The following EML5 variants were observed in gnomAD, a reference collection of about 807,000 sequenced individuals.
EML5 encodes EMAP like 5.
A neutral mutation model predicts 250.0 loss-of-function variants in EML5; 120 were observed. That is an observed-to-expected ratio of 0.48 (90% CI 0.41 to 0.56). The LOEUF is 0.56. EML5 is among the 20% of genes least tolerant of loss of function. EML5 has a pLI of 0.00. For missense variants in EML5, 2,006 were observed against 2,437.6 expected (o/e 0.82, Z 3.73); for synonymous variants, 771 against 806.5 (o/e 0.96, Z 0.75).
chr14:88,660,104 C>T (rs1457960328), intron 25 of EML5, among the ~76,000 whole-genome samples: 1 of 151,400 alleles, frequency 6.6e-6, no homozygotes, highest in African/African-American at 2.4e-5. Flanking sequence ...CTGGAGACCC[C>T]ATCTCTACAA....
chr14:88,714,444 T>C (rs1009956992), intron 9 of EML5, among the ~76,000 whole-genome samples: 1 of 152,166 alleles, frequency 6.6e-6, no homozygotes, highest in Non-Finnish European at 1.5e-5. Context: ...TTATACAGGA[T>C]GAATAAATTC....
At chr14:88,791,831 G>C (rs1038002260) in intron 1 of EML5, among the ~76,000 whole-genome samples, 1 of 152,128 alleles carries the variant, frequency 6.6e-6, no homozygotes, top group South Asian at 2.1e-4. Context: ...CAGGAGGTGA[G>C]AGCCCTTCAG....
At position 88,615,772 on chromosome 14, in the gene EML5, G is replaced by C. The variant is rs201466730; in HGVS notation, c.*46C>G. 7,348 of 1,591,132 alleles carry C rather than the reference G, an allele frequency of 4.6e-3. 27 individuals carry two copies. Among genetic ancestry groups the C allele is most frequent in the Non-Finnish European group, 5.8e-3 (6,735 of 1,167,550 alleles). ...GGTTGGGTTTTGGTTTTTCTTCTCT[G>C]TAATTCTGGTCTCAAAGTTAATTTC... is the stretch of plus-strand genomic sequence containing the variant. On this transcript the variant is annotated 3_prime_UTR_variant, in exon 44 of 44. Transcript: ENST00000554922.
At chr14:88,768,421 T>C (rs1223229041) in intron 1 of EML5, among the ~76,000 whole-genome samples, 2 of 151,954 alleles carry the variant, frequency 1.3e-5, no homozygotes. Flanking sequence ...GATTGTCTTT[T>C]TTTTTTTGAG....
chr14:88,642,830 T>TGCTA, intron 31 of EML5, 63 bp downstream of exon 31: 2 of 1,486,346 alleles, frequency 1.3e-6, no homozygotes, highest in South Asian at 2.6e-5. Flanking sequence ...GATTTTAAGC[T>TGCTA]GCTAGATCAA....
At chr14:88,661,591 A>G in intron 25 of EML5, 63 bp downstream of exon 25, 1 of 1,427,108 alleles carries the variant, frequency 7.0e-7, no homozygotes, top group Non-Finnish European at 9.5e-7. Flanking sequence ...GTGCTATGAC[A>G]GGACATTACC....
intron 27 of EML5, among the ~76,000 whole-genome samples, chr14:88,651,179 AGGCAAAGAGTAGAGCTT>A (rs2091609676): frequency 1.7e-5 from 2 of 118,764 alleles, no homozygotes; most frequent in Non-Finnish European, 3.3e-5. Flanking sequence ...TTTTTTTTTA[AGGCAAAGAGTAGAGCTT>A]GGACTCTGCC....
At chr14:88,721,526 C>A (rs1189041604) in intron 8 of EML5, among the ~76,000 whole-genome samples, 1 of 152,150 alleles carries the variant, frequency 6.6e-6, no homozygotes, top group Admixed American at 6.5e-5. Flanking sequence ...AAAGGATCTC[C>A]TATTCAATAA....
At chr14:88,787,532 T>G (rs911788709) in intron 1 of EML5, among the ~76,000 whole-genome samples, 2 of 152,250 alleles carry the variant, frequency 1.3e-5, no homozygotes, top group Non-Finnish European at 2.9e-5. Flanking sequence ...TCTAATAATC[T>G]GGCTTCTCCC....
At chr14:88,727,234 A>T (rs1240855801) in intron 7 of EML5, among the ~76,000 whole-genome samples, 2 of 152,268 alleles carry the variant, frequency 1.3e-5, no homozygotes, top group East Asian at 3.9e-4. Flanking sequence ...TGCACTGGTG[A>T]TAAATAATAA....
At chr14:88,707,056 C>T (rs992733199) in intron 10 of EML5, among the ~76,000 whole-genome samples, 5 of 152,030 alleles carry the variant, frequency 3.3e-5, no homozygotes, top group Non-Finnish European at 7.4e-5. Context: ...TCTAATGCCT[C>T]CTCATGATTA....
At chr14:88,627,244 A>G (rs1468774256) in intron 34 of EML5, 198 bp from the exon 35 acceptor site, 1 of 592,850 alleles carries the variant, frequency 1.7e-6, no homozygotes, top group Non-Finnish European at 3.0e-6. Flanking sequence ...CGCTCCATTA[A>G]CTTTTCTTTA....
At chr14:88,675,582 C>T (rs967985574) in intron 21 of EML5, among the ~76,000 whole-genome samples, 5 of 152,174 alleles carry the variant, frequency 3.3e-5, no homozygotes, top group African/African-American at 9.7e-5. Context: ...GAGGGGCTGC[C>T]GTGAAGACTT....
intron 7 of EML5, among the ~76,000 whole-genome samples, chr14:88,730,243 T>C (rs780129412): frequency 2.0e-5 from 3 of 152,176 alleles, no homozygotes; most frequent in Non-Finnish European, 4.4e-5. Flanking sequence ...AAATATACAT[T>C]ACCAGACTAA....
rs147097718 is a variant in EML5 at position 88,693,229 on chromosome 14, G to C, written c.2539+1078C>G. ...TTCTTTTGCAAGTATGAATACTACT[G>C]TATTAGTCTGTTCTCACACTGTTCA... is the stretch of plus-strand genomic sequence containing the variant. On this transcript the variant is annotated intron_variant, in intron 17 of 43. Coordinates refer to ENST00000554922, the MANE Select transcript of EML5 (RefSeq NM_183387.3). Among the ~76,000 whole-genome samples the C allele has an allele frequency of 6.6e-5, 10 of 152,204 alleles. No individual in the cohort carries two copies. The East Asian group carries it at 1.9e-3, about 29-fold the overall frequency.
At chr14:88,647,687 C>CAAAAAAAAAAAAAAAAAAAAAA (rs34191990) in intron 28 of EML5, among the ~76,000 whole-genome samples, 2 of 48,754 alleles carry the variant, frequency 4.1e-5, no homozygotes, top group African/African-American at 1.5e-4. Flanking sequence ...GAGACCGTCT[C>CAAAAAAAAAAAAAAAAAAAAAA]AAAAAAAAAA....
chr14:88,756,157 G>T (rs1214560531), intron 1 of EML5, among the ~76,000 whole-genome samples: 3 of 152,108 alleles, frequency 2.0e-5, no homozygotes, highest in African/African-American at 7.2e-5. Flanking sequence ...TACTAAAGGG[G>T]TAATCAATGG....
chr14:88,736,610 G>A (rs1369104620), intron 6 of EML5, 45 bp from the exon 7 acceptor site: 1 of 1,565,942 alleles, frequency 6.4e-7, no homozygotes, highest in Non-Finnish European at 8.8e-7. Flanking sequence ...CTGTAATAAT[G>A]ATAGCAGCAG....
intron 32 of EML5, among the ~76,000 whole-genome samples, chr14:88,636,630 C>T (rs369542815): frequency 5.6e-4 from 85 of 152,292 alleles, no homozygotes; most frequent in African/African-American, 2.0e-3. Context: ...CACTGCACTA[C>T]AGCCTGGGCA....
Sources: allele counts gnomAD v4.1 joint callset (sites outside exome capture counted in the v4.1 genomes callset), GRCh38; gene constraint gnomAD v4.1.1; transcripts MANE v1.5; gene names NCBI Gene and HGNC (gene_info 2026-07-23, HGNC 2026-07-21).